Variants in RGS6 observed in about 807,000 individuals in gnomAD.
RGS6 encodes regulator of G-protein signaling 6.
A neutral mutation model predicts 78.5 loss-of-function variants in RGS6; 30 were observed. The observed-to-expected ratio is 0.38, with a 90% confidence interval of 0.29 to 0.52. The LOEUF is 0.52. RGS6 is among the 20% of genes least tolerant of loss of function. The probability of loss-of-function intolerance (pLI) is 0.85; values close to 1 mark genes in which losing one functional copy is unlikely to be tolerated. For synonymous variants in RGS6, 206 were observed against 206.0 expected, an observed-to-expected ratio of 1.00 and a Z score of 0.00; for missense variants, 495 against 609.7, an observed-to-expected ratio of 0.81 and a Z score of 1.98.
At chr14:71,947,665 G>T (rs1313204647) in intron 1 of RGS6, among the ~76,000 whole-genome samples, 1 of 152,124 alleles carries the variant, frequency 6.6e-6, no homozygotes. Context: ...TGTGTTTATT[G>T]TAGAGACAGG....
At chr14:72,161,601 G>A (rs2096854264) in intron 2 of RGS6, among the ~76,000 whole-genome samples, 2 of 152,160 alleles carry the variant, frequency 1.3e-5, no homozygotes, top group African/African-American at 4.8e-5. Flanking sequence ...CCATGAGCTA[G>A]GGGGCTCAAA....
At chr14:72,276,928 AT>A (rs1278046602) in intron 2 of RGS6, among the ~76,000 whole-genome samples, 1 of 151,888 alleles carries the variant, frequency 6.6e-6, no homozygotes, top group African/African-American at 2.4e-5. Flanking sequence ...AACTTCTACT[AT>A]TTTTTTGGCT....
chr14:72,011,937 C>CT (rs908607868), intron 2 of RGS6, among the ~76,000 whole-genome samples: 23 of 151,958 alleles, frequency 1.5e-4, no homozygotes, highest in Admixed American at 1.0e-3. Context: ...GTTCTATTTA[C>CT]TTTTTTTTGT....
intron 2 of RGS6, among the ~76,000 whole-genome samples, chr14:72,241,011 G>C (rs2052641443): frequency 6.6e-6 from 1 of 152,016 alleles, no homozygotes; most frequent in African/African-American, 2.4e-5. Flanking sequence ...TCAAAAATTA[G>C]CTGGGCATGG....
intron 2 of RGS6, among the ~76,000 whole-genome samples, chr14:72,130,295 C>G (rs2096286752): frequency 6.6e-6 from 1 of 152,162 alleles, no homozygotes; most frequent in Non-Finnish European, 1.5e-5. Context: ...CCAGAAAGTT[C>G]CTGAACCCCA....
chr14:71,926,599 A>AAGAAAAAG, the RGS6 span, among the ~76,000 whole-genome samples: 976 of 151,756 alleles, frequency 6.4e-3, 23 homozygotes, highest in African/African-American at 0.022. Context: ...AAAAAAAAAA[A>AAGAAAAAG]AAAAAGAGTA....
intron 2 of RGS6, among the ~76,000 whole-genome samples, chr14:72,096,554 C>A (rs1188472029): frequency 6.6e-6 from 1 of 152,120 alleles, no homozygotes; most frequent in Non-Finnish European, 1.5e-5. Flanking sequence ...TTATGTCTTG[C>A]TGTGTACTCT....
chr14:72,086,097 C>T (rs972359547), intron 2 of RGS6, among the ~76,000 whole-genome samples: 4 of 152,056 alleles, frequency 2.6e-5, no homozygotes, highest in Non-Finnish European at 5.9e-5. Context: ...AAAAAAATGT[C>T]AGGAATAAAA....
At chr14:72,449,739 AG>A in intron 3 of RGS6, among the ~76,000 whole-genome samples, 1 of 152,220 alleles carries the variant, frequency 6.6e-6, no homozygotes, top group Admixed American at 6.5e-5. Context: ...GAGTCTATAA[AG>A]GGTCGCTCTG....
the RGS6 span, among the ~76,000 whole-genome samples, chr14:72,574,768 C>T: frequency 6.6e-6 from 1 of 152,110 alleles, no homozygotes; most frequent in Non-Finnish European, 1.5e-5. Flanking sequence ...ATGAAAAGCC[C>T]CCACCTGCTG....
chr14:72,005,316 C>T (rs933801885), intron 2 of RGS6, among the ~76,000 whole-genome samples: 1 of 151,992 alleles, frequency 6.6e-6, no homozygotes, highest in East Asian at 1.9e-4. Context: ...ACTCATATCT[C>T]TTTATAATAT....
chr14:72,406,933 G>A (rs1356668417), intron 3 of RGS6, among the ~76,000 whole-genome samples: 1 of 152,128 alleles, frequency 6.6e-6, no homozygotes, highest in East Asian at 1.9e-4. Flanking sequence ...TAGTCAGGTT[G>A]GTCCACATTG....
At chr14:72,234,321 T>A (rs2050424834) in intron 2 of RGS6, among the ~76,000 whole-genome samples, 1 of 151,410 alleles carries the variant, frequency 6.6e-6, no homozygotes, top group Non-Finnish European at 1.5e-5. Flanking sequence ...TAACCAGAGG[T>A]GAATGAAGAC....
chr14:72,528,147 G>A (rs1421451262), intron 15 of RGS6, among the ~76,000 whole-genome samples: 2 of 152,220 alleles, frequency 1.3e-5, no homozygotes, highest in South Asian at 2.1e-4. Flanking sequence ...CCTCTTGAGA[G>A]AGTCACTGTG....
chr14:71,964,612 A>G (rs1053224590), intron 1 of RGS6, among the ~76,000 whole-genome samples, 160 bp from the exon 2 acceptor site: 1 of 152,234 alleles, frequency 6.6e-6, no homozygotes, highest in Non-Finnish European at 1.5e-5. Context: ...ATATTTGTGG[A>G]TAGTAAGACT....
chr14:72,358,808 G>T (rs1277660137), intron 3 of RGS6, among the ~76,000 whole-genome samples: 1 of 152,188 alleles, frequency 6.6e-6, no homozygotes. Context: ...AGGCATCATT[G>T]TGTTTTGAAA....
chr14:72,246,330 C>A (rs139701553), intron 2 of RGS6, among the ~76,000 whole-genome samples: 1 of 152,322 alleles, frequency 6.6e-6, no homozygotes, highest in Non-Finnish European at 1.5e-5. Context: ...AATGGTAATA[C>A]AACAATTCTA....
At chr14:72,628,816 T>C in the RGS6 span, among the ~76,000 whole-genome samples, 14 of 152,162 alleles carry the variant, frequency 9.2e-5, no homozygotes, top group East Asian at 2.3e-3. Flanking sequence ...TCAAATACAG[T>C]CATGAGAACT....
Position 72,503,160 on chromosome 14 carries a change from G to A in RGS6, c.966-6994G>A, listed in dbSNP as rs28561844. ...CAGAAAGGCAAGAGAGCTCTGGGGT[G>A]TCCTTTTATAAGGACACTAATCCCA... On this transcript the variant is annotated intron_variant, in intron 13 of 17. Coordinates refer to ENST00000553525, the MANE Select transcript of RGS6 (RefSeq NM_001204424.2). Among the ~76,000 whole-genome samples, 1,411 of 152,202 alleles carry A rather than the reference G, an allele frequency of 9.3e-3. 15 individuals carry two copies. The highest frequency in any genetic ancestry group is 0.032 in the African/African-American group (1,347 of 41,512).
Sources: gnomAD v4.1 joint callset for allele counts (sites outside exome capture counted in the v4.1 genomes callset) on GRCh38, gnomAD v4.1.1 for gene constraint, MANE v1.5 for transcripts, NCBI Gene and HGNC (gene_info 2026-07-23, HGNC 2026-07-21) for gene names.